Variants in ERN2 observed in about 807,000 individuals in gnomAD.
The protein encoded by ERN2 is endoplasmic reticulum to nucleus signaling 2.
Under a neutral mutation model 107.9 loss-of-function variants are expected in ERN2, and 111 were observed. The observed-to-expected ratio is 1.03, with a 90% confidence interval of 0.88 to 1.20. The LOEUF (loss-of-function observed/expected upper bound fraction) is 1.20. ERN2 is among the 50% of genes most tolerant of loss of function. The pLI is 0.00. For synonymous variants in ERN2, 524 were observed against 501.7 expected (o/e 1.04, Z -0.59); for missense variants, 1,225 against 1,197.9 (o/e 1.02, Z -0.33).
chr16:23,691,123 A>G lies in ERN2; in HGVS notation c.2568+6T>C. The G allele has an allele frequency of 6.2e-7, 1 of 1,613,092 alleles. No individual in the cohort carries two copies. Among genetic ancestry groups the G allele is most frequent in the South Asian group, 1.1e-5 (1 of 91,050 alleles). On this transcript the variant is annotated splice_donor_region_variant and intron_variant, in intron 21 of 21. Transcript: ENST00000256797. ...GACCCAGGCCCACCCAGGCCCCAACACATACCTTGTTCCTCACAGCACGGA... is the reference window on the plus strand; with the variant it reads ...GACCCAGGCCCACCCAGGCCCCAACGCATACCTTGTTCCTCACAGCACGGA...
At chr16:23,691,475 T>C (rs1272493663) in intron 19 of ERN2, 50 bp from the exon 20 acceptor site, 3 of 1,580,324 alleles carry the variant, frequency 1.9e-6, no homozygotes, top group South Asian at 2.3e-5. Context: ...AGAGGCCACA[T>C]AGCCAGGAGT....
chr16:23,713,056 C>G (rs1009938350), intron 1 of ERN2, 39 bp downstream of exon 1: 2 of 1,445,482 alleles, frequency 1.4e-6, no homozygotes, highest in African/African-American at 3.0e-5. Context: ...CGCCCCGCGA[C>G]CAGACTTTGG....
chr16:23,690,564 C>T lies in ERN2; in HGVS notation c.*267G>A, dbSNP rs1313062608. ...CGAACTCCTGGGCTCAAGTGATTCTCCCACCTCAGCCTCCCAAGCAGCTGG... is the reference window on the plus strand; with the variant it reads ...CGAACTCCTGGGCTCAAGTGATTCTTCCACCTCAGCCTCCCAAGCAGCTGG... On this transcript the variant is annotated 3_prime_UTR_variant, in exon 22 of 22. Transcript: ENST00000256797. 2 of 507,052 alleles carry T rather than the reference C, an allele frequency of 3.9e-6. No homozygotes were observed. The highest frequency in any genetic ancestry group is 3.6e-5 in the East Asian group (1 of 28,006). The allele number at this position is 507,052 out of a possible 1,614,324, so 31.4% of individuals were successfully genotyped here.
At position 23,692,199 on chromosome 16, in the gene ERN2, C is replaced by G. The variant is rs1362805952; in HGVS notation, c.2233G>C (p.Glu745Gln). 4 of 1,614,000 alleles carry G rather than the reference C, an allele frequency of 2.5e-6. No homozygotes were observed. Among genetic ancestry groups the G allele is most frequent in the Non-Finnish European group, 3.4e-6 (4 of 1,180,036 alleles). ...LTGAPCLAHL[E>Q]EEVHDKVVAR... Reference sequence around the variant, plus strand: ...GCTCCCTCACCGTGGACCTCTTCCTCCAGGTGAGCCAGACAGGGAGCCCCT... The same window carrying G: ...GCTCCCTCACCGTGGACCTCTTCCTGCAGGTGAGCCAGACAGGGAGCCCCT... Residue 745 changes from glutamate to glutamine, a missense_variant, in exon 18 of 22, where the codon GAG (glutamate) becomes CAG (glutamine). Physicochemically the swap from Glu to Gln is conservative, Grantham distance 29. Transcript: ENST00000256797.
intron 17 of ERN2, among the ~76,000 whole-genome samples, chr16:23,692,694 T>G (rs1256557998): frequency 2.6e-5 from 4 of 151,944 alleles, no homozygotes; most frequent in Admixed American, 2.6e-4. Context: ...CTTCAACCGG[T>G]TGTCACCAGG....
intron 3 of ERN2, 72 bp from the exon 4 acceptor site, chr16:23,710,316 T>C (rs962745448): frequency 6.6e-6 from 9 of 1,364,322 alleles, no homozygotes; most frequent in Non-Finnish European, 9.4e-6. Context: ...CCAAATTCCT[T>C]CCAATTTCTC....
At chr16:23,705,799 A>G (rs755926627) in intron 7 of ERN2, among the ~76,000 whole-genome samples, 23 of 152,174 alleles carry the variant, frequency 1.5e-4, no homozygotes, top group Admixed American at 3.9e-4. Flanking sequence ...CTGCAGTCCC[A>G]GCTATTCAGG....
chr16:23,698,346 T>C (rs1043763069), intron 13 of ERN2, among the ~76,000 whole-genome samples: 21 of 152,234 alleles, frequency 1.4e-4, no homozygotes, highest in African/African-American at 5.1e-4. Context: ...AGGAGAATTC[T>C]ATAATAACAT....
At chr16:23,709,175 A>C (rs1195065471) in intron 4 of ERN2, 16 of 455,586 alleles carry the variant, frequency 3.5e-5, no homozygotes, top group South Asian at 2.3e-4. Flanking sequence ...GTGTACCTGT[A>C]GTTCCAGCTA....
At chr16:23,712,512 G>A (rs945396477) in intron 1 of ERN2, 2 of 154,162 alleles carry the variant, frequency 1.3e-5, no homozygotes, top group Admixed American at 6.5e-5. Context: ...GGGGTTCTAG[G>A]CGGGACACCT....
In ERN2 at chr16:23,705,058, C is replaced by A; in HGVS notation, c.679G>T (p.Val227Leu). 1 of 1,613,974 alleles carries A rather than the reference C, an allele frequency of 6.2e-7. No individual in the cohort carries two copies. Among genetic ancestry groups the A allele is most frequent in the Non-Finnish European group, 8.5e-7 (1 of 1,180,012 alleles). The part of the protein sequence containing the change: ...GTVLWTQDLG[V>L]PVMGVYTWHQ... ...CAGGTGTAGACGCCCATCACAGGCACGCCCAGGTCCTGTGTCCACAGCACC... is the reference window on the plus strand; with the variant it reads ...CAGGTGTAGACGCCCATCACAGGCAAGCCCAGGTCCTGTGTCCACAGCACC... Residue 227 changes from valine to leucine, a missense_variant, in exon 8 of 22, where the codon GTG becomes TTG. By Grantham distance (32) the Val-to-Leu change is conservative. Transcript: ENST00000256797.
At position 23,691,302 on chromosome 16, in the gene ERN2, C is replaced by T; in HGVS notation, c.2500G>A (p.Asp834Asn). The T allele has an allele frequency of 6.2e-7, 1 of 1,611,112 alleles. No homozygotes were observed. The highest frequency in any genetic ancestry group is 8.5e-7 in the Non-Finnish European group (1 of 1,179,538). ...HEHISMPLQTDLRKFRSYKGT... is the reference protein window; with the variant it reads ...HEHISMPLQTNLRKFRSYKGT... ...AGGCCCACCTGAGTATGGCCTCTAC[C>T]TGTCTGCAGCGGCATGGAGATGTGC... Residue 834 changes from aspartate to asparagine, a missense_variant and splice_region_variant, in exon 20 of 22, where the codon GAT (aspartate) becomes AAT (asparagine). Coordinates refer to ENST00000256797, the MANE Select transcript of ERN2 (RefSeq NM_033266.4).
chr16:23,710,211 G>C lies in ERN2; in HGVS notation c.267C>G (p.Ser89Arg), dbSNP rs1212804846. ...GTTTTTGGGTCCCCAAGATGTACAG[G>C]CTGCCATCTGCTGGGTCAGAGAGAA... ...MAFLSDPADGSLYILGTQKQQ... is the reference protein window; with the variant it reads ...MAFLSDPADGRLYILGTQKQQ... Residue 89 changes from serine to arginine, a missense_variant, in exon 4 of 22, where the codon AGC becomes AGG. Physicochemically the swap from Ser to Arg is moderately radical, Grantham distance 110. Coordinates refer to ENST00000256797, the MANE Select transcript of ERN2 (RefSeq NM_033266.4). 6.2e-6 allele frequency: 10 copies of C among 1,613,960 alleles called. No individual in the cohort carries two copies. In the South Asian group the frequency reaches 9.9e-5, roughly 16 times the overall value.
intron 6 of ERN2, 36 bp downstream of exon 6, chr16:23,706,718 G>T (rs777588248): frequency 2.1e-6 from 3 of 1,427,880 alleles, no homozygotes; most frequent in Non-Finnish European, 2.9e-6. Flanking sequence ...AGGGGAGGCT[G>T]CCCAGAGCTT....
intron 17 of ERN2, among the ~76,000 whole-genome samples, chr16:23,693,005 A>T (rs188152656): frequency 6.6e-6 from 1 of 150,994 alleles, no homozygotes; most frequent in East Asian, 1.9e-4. Flanking sequence ...TCCAAATTTT[A>T]TGTGGAATTT....
rs759589715 is a variant in ERN2 at position 23,702,207 on chromosome 16, C to T, written c.1148G>A (p.Gly383Glu). The part of the protein sequence containing the change: ...MLRVHPTLGS[G>E]TAETRPPENT... ...CTCTGGAGGTCTTGTCTCTGCAGTT[C>T]CACTCCCCAGGGTGGGATGGACCCT... The change falls in exon 11 of 22, where the codon GGA (glycine) becomes GAA (glutamate). Residue 383 changes from glycine (G) to glutamate (E), a missense_variant. By Grantham distance (98) the Gly-to-Glu change is moderately conservative (BLOSUM62 -2). Coordinates refer to ENST00000256797, the MANE Select transcript of ERN2 (RefSeq NM_033266.4). The T allele has an allele frequency of 1.2e-6, 2 of 1,614,152 alleles. No individual in the cohort carries two copies. The highest frequency in any genetic ancestry group is 1.7e-6 in the Non-Finnish European group (2 of 1,180,040).
Position 23,695,015 on chromosome 16 carries a change from G to T in ERN2, c.1900+4C>A, listed in dbSNP as rs779780792. 6.2e-7 allele frequency: 1 copy of T among 1,613,112 alleles called. No homozygotes were observed. Among genetic ancestry groups the T allele is most frequent in the Non-Finnish European group, 8.5e-7 (1 of 1,179,440 alleles). ...GGAGCGGGAGGCAGGGGAAGTGCGG[G>T]TACCTATGTGTAAAGAGTGCAGGTG... is the stretch of plus-strand genomic sequence containing the variant. On this transcript the variant is annotated splice_donor_region_variant and intron_variant, in intron 16 of 21. Coordinates refer to ENST00000256797, the MANE Select transcript of ERN2 (RefSeq NM_033266.4).
At chr16:23,699,971 TAAAC>T (rs1959978303) in intron 13 of ERN2, among the ~76,000 whole-genome samples, 1 of 151,986 alleles carries the variant, frequency 6.6e-6, no homozygotes, top group Non-Finnish European at 1.5e-5. Flanking sequence ...TCAAAAGAGG[TAAAC>T]AGAGAGCAGC....
chr16:23,706,517 G>A (rs1455990453), intron 6 of ERN2, 86 bp from the exon 7 acceptor site: 1 of 996,142 alleles, frequency 1.0e-6, no homozygotes, highest in Non-Finnish European at 1.5e-6. Context: ...CAGGAGTGGG[G>A]GTTTCCTGAG....
Sources: gnomAD v4.1 joint callset for allele counts (sites outside exome capture counted in the v4.1 genomes callset) on GRCh38, gnomAD v4.1.1 for gene constraint, MANE v1.5 for transcripts, NCBI Gene and HGNC (gene_info 2026-07-23, HGNC 2026-07-21) for gene names.